Variants in TP53BP1 observed in about 807,000 individuals in gnomAD.
The protein encoded by TP53BP1 is TP53-binding protein 1.
In TP53BP1, 61 loss-of-function variants were observed where a neutral mutation model predicts 200.8. That is an observed-to-expected ratio of 0.30 (90% CI 0.25 to 0.38). The LOEUF (loss-of-function observed/expected upper bound fraction) is 0.38. Ranked by LOEUF, TP53BP1 falls within the 10% of genes least tolerant of loss-of-function variation. The probability of loss-of-function intolerance (pLI) is 1.00; values close to 1 mark genes in which losing one functional copy is unlikely to be tolerated. For missense variants in TP53BP1, 2,144 were observed against 2,371.9 expected, an observed-to-expected ratio of 0.90 and a Z score of 2.00; for synonymous variants, 822 against 844.3, an observed-to-expected ratio of 0.97 and a Z score of 0.46.
In TP53BP1 at chr15:43,408,969, T is replaced by A; in HGVS notation, c.5528A>T (p.Asn1843Ile). The A allele has an allele frequency of 6.2e-7, 1 of 1,614,166 alleles. No homozygotes were observed. Among genetic ancestry groups the A allele is most frequent in the Non-Finnish European group, 8.5e-7 (1 of 1,180,024 alleles). ...HVWVHDSCHA[N>I]QLQNYRNYLL... ...ATAATTACGGTAGTTCTGGAGCTGGTTGGCATGGCAACTATCATGGACCCA... is the reference window on the plus strand; with the variant it reads ...ATAATTACGGTAGTTCTGGAGCTGGATGGCATGGCAACTATCATGGACCCA... Residue 1843 changes from asparagine to isoleucine, a missense_variant, in exon 26 of 28, where the codon AAC becomes ATC. Physicochemically the swap from Asn to Ile is moderately radical, Grantham distance 149. Around this residue, in one of 4 missense-constraint regions of TP53BP1, gnomAD observed 334 missense variants for 453.4 expected, o/e 0.74. Coordinates refer to ENST00000382044, the MANE Select transcript of TP53BP1 (RefSeq NM_001141980.3).
intron 26 of TP53BP1, 53 bp from the exon 27 acceptor site, chr15:43,408,141 T>C (rs770780348): frequency 3.3e-5 from 52 of 1,569,426 alleles, no homozygotes; most frequent in Admixed American, 3.0e-4. Context: ...TCCAACAAAC[T>C]GCCTTTCTGC....
chr15:43,442,961 G>A (rs1233905556), intron 14 of TP53BP1, among the ~76,000 whole-genome samples: 1 of 150,814 alleles, frequency 6.6e-6, no homozygotes, highest in Non-Finnish European at 1.5e-5. Context: ...GAGTAGCTGG[G>A]ATTACAGGTA....
In TP53BP1 at chr15:43,456,382, T is replaced by C. The variant is rs150423877; in HGVS notation, c.2226A>G (p.Glu742=). Residue 742 remains glutamate (E), a synonymous_variant, in exon 12 of 28, where the codon GAA becomes GAG. Transcript: ENST00000382044. The stretch of plus-strand genomic sequence containing the variant: ...AAGCTTCCTGTTCCTTATGTTCCAA[T>C]TCTTGGTCAAGTATTGCCAACTTTT... ...SPQKLAILDQ[E]LEHKEQEAWE... is the part of the protein sequence containing the mutation. 45 of 1,606,524 alleles carry C rather than the reference T, an allele frequency of 2.8e-5. No individual in the cohort carries two copies. Among genetic ancestry groups the C allele is most frequent in the Non-Finnish European group, 3.7e-5 (44 of 1,177,776 alleles).
chr15:43,440,319 G>A (rs1203813200), intron 15 of TP53BP1, among the ~76,000 whole-genome samples: 1 of 151,892 alleles, frequency 6.6e-6, no homozygotes, highest in African/African-American at 2.4e-5. Context: ...AGACCATCCT[G>A]GCTAACACGG....
chr15:43,423,199 C>A (rs917874455), intron 18 of TP53BP1, among the ~76,000 whole-genome samples: 1 of 149,260 alleles, frequency 6.7e-6, no homozygotes, highest in African/African-American at 2.5e-5. Flanking sequence ...GGAAAAGATT[C>A]TAAGACCAAT....
intron 1 of TP53BP1, among the ~76,000 whole-genome samples, chr15:43,506,332 T>C (rs1457587975): frequency 1.3e-5 from 2 of 152,184 alleles, no homozygotes; most frequent in Non-Finnish European, 2.9e-5. Flanking sequence ...AGAGTGTGCT[T>C]AATTTACCTA....
Position 43,432,232 on chromosome 15 carries a change from T to A in TP53BP1, c.3637A>T (p.Ser1213Cys), listed in dbSNP as rs982601771. 3 of 1,614,194 alleles carry A rather than the reference T, an allele frequency of 1.9e-6. No homozygotes were observed. The Admixed American group carries it at 5.0e-5, about 27-fold the overall frequency. The change falls in exon 17 of 28, where the codon AGT becomes TGT. Residue 1213 changes from serine (S) to cysteine (C), a missense_variant. This residue lies in a region of TP53BP1 where 1,700 missense variants were observed against 1,710.3 expected (regional missense o/e 0.99). Transcript: ENST00000382044. The stretch of plus-strand genomic sequence containing the variant: ...GACTCTGTATCATCCCCAGGAGCAC[T>A]GACTGGTTTCTCACCACTCCCCCTC... ...TERGSGEKPVSAPGDDTESLH... is the reference protein window; with the variant it reads ...TERGSGEKPVCAPGDDTESLH...
intron 16 of TP53BP1, among the ~76,000 whole-genome samples, chr15:43,437,951 C>G (rs2045837649): frequency 6.6e-6 from 1 of 152,206 alleles, no homozygotes; most frequent in Admixed American, 6.5e-5. Context: ...AGACGGCCAG[C>G]TGGTAAGGGC....
chr15:43,452,165 C>T (rs1044020532), intron 12 of TP53BP1, among the ~76,000 whole-genome samples: 1 of 151,906 alleles, frequency 6.6e-6, no homozygotes, highest in African/African-American at 2.4e-5. Flanking sequence ...AGTCTCTCAA[C>T]ATTTAGCAAC....
chr15:43,492,753 CCT>C (rs1044084009), intron 1 of TP53BP1, among the ~76,000 whole-genome samples: 1 of 151,482 alleles, frequency 6.6e-6, no homozygotes, highest in Non-Finnish European at 1.5e-5. Flanking sequence ...TCTCCCCGCC[CCT>C]TTTTCCATCC....
In TP53BP1 at chr15:43,470,047, T is replaced by G. The variant is rs769944275; in HGVS notation, c.1200A>C (p.Ser400=). 6.2e-7 allele frequency: 1 copy of G among 1,613,040 alleles called. No homozygotes were observed. Among genetic ancestry groups the G allele is most frequent in the Non-Finnish European group, 8.5e-7 (1 of 1,180,002 alleles). Residue 400 remains serine (S), a synonymous_variant, in exon 11 of 28, where the codon TCA becomes TCC. Coordinates refer to ENST00000382044, the MANE Select transcript of TP53BP1 (RefSeq NM_001141980.3). ...EGRQDKPMDT[S]VLSEEGGEPF... is the part of the protein sequence containing the mutation. ...GCTCTCCTCCTTCTTCAGATAACAC[T>G]GACGTGTCCATTGGCTTATCTGGTT...
At chr15:43,485,314 A>G (rs2079030219) in intron 4 of TP53BP1, among the ~76,000 whole-genome samples, 1 of 152,148 alleles carries the variant, frequency 6.6e-6, no homozygotes, top group Admixed American at 6.5e-5. Context: ...ACGGTGGCGC[A>G]TGCCTGTAAT....
intron 14 of TP53BP1, 57 bp downstream of exon 14, chr15:43,446,330 C>G (rs1347452357): frequency 7.7e-7 from 1 of 1,292,846 alleles, no homozygotes; most frequent in Non-Finnish European, 1.1e-6. Flanking sequence ...AGATTATAAT[C>G]AATACTCCCC....
rs61433356 is a variant in TP53BP1 at position 43,481,460 on chromosome 15, TACAC to T, written c.372-442_372-439del. 3.5e-3 allele frequency among the ~76,000 whole-genome samples: 500 copies of T among 143,802 alleles called. 3 individuals carry two copies. The highest frequency in any genetic ancestry group is 9.1e-3 in the African/African-American group (355 of 38,898). The allele number at this position is 143,802 out of a possible 152,430, so 94.3% of individuals were successfully genotyped here. On this transcript the variant is annotated intron_variant, in intron 4 of 27. Transcript: ENST00000382044. ...TAAGGAGCTTATATATGTATATAAA[TACAC>T]ACACACACACACACACACACACACA...
chr15:43,495,602 G>A (rs1194484177), upstream of TP53BP1, among the ~76,000 whole-genome samples: 1 of 151,882 alleles, frequency 6.6e-6, no homozygotes, highest in Non-Finnish European at 1.5e-5. Context: ...CAGATCACGA[G>A]GTCAGGAGAT....
chr15:43,411,120 A>G (rs2045104615), intron 24 of TP53BP1, among the ~76,000 whole-genome samples: 2 of 152,190 alleles, frequency 1.3e-5, no homozygotes, highest in African/African-American at 4.8e-5. Context: ...TTAATCCAGG[A>G]CTGGTCTACT....
At chr15:43,419,075 C>A (rs1595529358) in intron 21 of TP53BP1, among the ~76,000 whole-genome samples, 1 of 152,234 alleles carries the variant, frequency 6.6e-6, no homozygotes, top group East Asian at 1.9e-4. Context: ...CAAAAATTAG[C>A]CGGGTCTGGT....
intron 12 of TP53BP1, among the ~76,000 whole-genome samples, chr15:43,454,643 G>A (rs1287927209): frequency 6.6e-6 from 1 of 152,074 alleles, no homozygotes; most frequent in Non-Finnish European, 1.5e-5. Context: ...GATTACAGGC[G>A]TGAGCCACCA....
At chr15:43,407,613 C>T in intron 27 of TP53BP1, 43 bp from the exon 28 acceptor site, 1 of 1,555,960 alleles carries the variant, frequency 6.4e-7, no homozygotes, top group Non-Finnish European at 8.8e-7. Flanking sequence ...GGACACTCAA[C>T]TTAGCCCTCC....
Sources: allele counts gnomAD v4.1 joint callset (sites outside exome capture counted in the v4.1 genomes callset), GRCh38; gene constraint gnomAD v4.1.1; regional missense constraint gnomAD v4.1.1; transcripts MANE v1.5; gene names NCBI Gene and HGNC (gene_info 2026-07-23, HGNC 2026-07-21).